HHAT: variants seen among roughly 807,000 people sequenced by gnomAD.
HHAT encodes the protein hedgehog acyltransferase.
A neutral mutation model predicts 70.8 loss-of-function variants in HHAT; 47 were observed. The observed-to-expected ratio is 0.66, with a 90% confidence interval of 0.53 to 0.85. The LOEUF (loss-of-function observed/expected upper bound fraction) is 0.85. HHAT is among the 40% of genes least tolerant of loss of function. The probability of loss-of-function intolerance (pLI) is 0.00; values close to 1 mark genes in which losing one functional copy is unlikely to be tolerated. For missense variants in HHAT, 609 were observed against 604.8 expected (o/e 1.01, Z -0.07); for synonymous variants, 228 against 247.6 (o/e 0.92, Z 0.74).
chr1:210,538,390 T>C (rs973814882), intron 9 of HHAT, among the ~76,000 whole-genome samples: 3 of 152,054 alleles, frequency 2.0e-5, no homozygotes, highest in African/African-American at 7.2e-5. Flanking sequence ...TTATTATAAA[T>C]ATAAAAAACA....
intron 3 of HHAT, among the ~76,000 whole-genome samples, chr1:210,366,287 G>C (rs1380629757): frequency 1.3e-5 from 2 of 152,042 alleles, no homozygotes; most frequent in Non-Finnish European, 2.9e-5. Flanking sequence ...CAGAGTCCCT[G>C]GACTCTACCT....
intron 8 of HHAT, among the ~76,000 whole-genome samples, chr1:210,485,395 T>C (rs535991127): frequency 1.3e-5 from 2 of 152,280 alleles, no homozygotes; most frequent in African/African-American, 4.8e-5. Context: ...CCTTCTTTCT[T>C]GTTCTTCATA....
intron 11 of HHAT, among the ~76,000 whole-genome samples, chr1:210,662,594 C>G (rs75955149): frequency 0.023 from 3,474 of 152,236 alleles, 71 homozygotes; most frequent in South Asian, 0.062. Flanking sequence ...TGGGGTATAG[C>G]AACCACTGCA....
At chr1:210,511,533 A>G (rs2094951239) in intron 8 of HHAT, among the ~76,000 whole-genome samples, 1 of 152,136 alleles carries the variant, frequency 6.6e-6, no homozygotes, top group African/African-American at 2.4e-5. Flanking sequence ...TCCAGGGATG[A>G]GTCAAGGGTG....
At chr1:210,421,529 T>A (rs1414592428) in intron 7 of HHAT, among the ~76,000 whole-genome samples, 1 of 152,148 alleles carries the variant, frequency 6.6e-6, no homozygotes, top group African/African-American at 2.4e-5. Flanking sequence ...CACTGCAACC[T>A]CCACCTCCTG....
rs376816878 is a variant in HHAT at position 210,661,042 on chromosome 1, G to A, written c.1391-13246G>A. Among the ~76,000 whole-genome samples the A allele has an allele frequency of 3.3e-4, 51 of 152,284 alleles. No individual in the cohort carries two copies. In the East Asian group the frequency reaches 7.9e-3, roughly 24 times the overall value. On this transcript the variant is annotated intron_variant, in intron 11 of 11. Transcript: ENST00000261458. ...CATGACTAAAACACCAAAAGCAATG[G>A]CAACAAAAGCCAAAATTGACAAATG...
intron 7 of HHAT, among the ~76,000 whole-genome samples, chr1:210,434,881 A>G (rs905184448): frequency 6.6e-6 from 1 of 151,894 alleles, no homozygotes; most frequent in Non-Finnish European, 1.5e-5. Flanking sequence ...AAACTGATAT[A>G]TGATGTACAT....
chr1:210,382,918 C>G (rs2090755917), intron 3 of HHAT, among the ~76,000 whole-genome samples: 1 of 152,196 alleles, frequency 6.6e-6, no homozygotes, highest in Non-Finnish European at 1.5e-5. Context: ...TGGCTTCAGA[C>G]AGGCCTAGGT....
intron 7 of HHAT, among the ~76,000 whole-genome samples, chr1:210,456,441 C>T (rs554556042): frequency 2.0e-5 from 3 of 152,178 alleles, no homozygotes; most frequent in Non-Finnish European, 4.4e-5. Flanking sequence ...CTGGGACCAC[C>T]CCCTTTTTGA....
chr1:210,609,710 G>C (rs1666211429), intron 10 of HHAT, among the ~76,000 whole-genome samples: 1 of 151,992 alleles, frequency 6.6e-6, no homozygotes, highest in Admixed American at 6.6e-5. Context: ...CCCCACCATG[G>C]GTCCATGTGT....
At chr1:210,334,454 C>G (rs761214289) in intron 1 of HHAT, among the ~76,000 whole-genome samples, 1 of 151,996 alleles carries the variant, frequency 6.6e-6, no homozygotes, top group Non-Finnish European at 1.5e-5. Flanking sequence ...CCACACCCAG[C>G]CTGTTAGTGC....
At position 210,623,623 on chromosome 1, in the gene HHAT, G is replaced by A. The variant is rs757163023; in HGVS notation, c.1343G>A (p.Gly448Glu). ...MLILSNLVFL[G>E]GNEVGKTYWN... is the part of the protein sequence containing the mutation. ...ATCCTGTCCAACCTGGTATTTCTTG[G>A]GGGCAATGAGGTTGGGAAAACCTAC... Residue 448 changes from glycine to glutamate, a missense_variant, in exon 11 of 12, where the codon GGG (glycine) becomes GAG (glutamate). Physicochemically the swap from Gly to Glu is moderately conservative, Grantham distance 98. Coordinates refer to ENST00000261458, the MANE Select transcript of HHAT (RefSeq NM_018194.6). The A allele has an allele frequency of 1.5e-5, 24 of 1,613,828 alleles. No homozygotes were observed. The African/African-American group carries it at 3.1e-4, about 21-fold the overall frequency.
intron 8 of HHAT, among the ~76,000 whole-genome samples, chr1:210,490,845 G>T (rs891727838): frequency 2.0e-5 from 3 of 151,968 alleles, no homozygotes; most frequent in African/African-American, 7.3e-5. Flanking sequence ...CCAAAGTAGA[G>T]ATTTTTACTT....
At chr1:210,553,248 C>A (rs1334966177) in intron 9 of HHAT, among the ~76,000 whole-genome samples, 1 of 152,132 alleles carries the variant, frequency 6.6e-6, no homozygotes, top group Non-Finnish European at 1.5e-5. Flanking sequence ...TGATAGTGGA[C>A]CCCAAGCTGA....
At chr1:210,330,868 G>A (rs2084925366) in intron 1 of HHAT, among the ~76,000 whole-genome samples, 1 of 152,094 alleles carries the variant, frequency 6.6e-6, no homozygotes, top group Non-Finnish European at 1.5e-5. Context: ...ACCCAGGCTG[G>A]AGTGCAGTGG....
chr1:210,396,286 G>A (rs1024455675), intron 4 of HHAT, among the ~76,000 whole-genome samples: 2 of 152,160 alleles, frequency 1.3e-5, no homozygotes, highest in African/African-American at 4.8e-5. Context: ...TTCCGGTGGG[G>A]CTGTCATCCT....
chr1:210,542,495 AAAT>A (rs2095440616), intron 9 of HHAT, among the ~76,000 whole-genome samples: 1 of 140,284 alleles, frequency 7.1e-6, no homozygotes. Flanking sequence ...GTTAAAAAAA[AAAT>A]ATATATATAT....
chr1:210,650,083 A>G (rs908990261), intron 11 of HHAT, among the ~76,000 whole-genome samples: 2 of 152,214 alleles, frequency 1.3e-5, no homozygotes, highest in Non-Finnish European at 2.9e-5. Flanking sequence ...CCTATATGGC[A>G]TGATGCTGAG....
chr1:210,440,715 T>G (rs1007978687), intron 7 of HHAT, among the ~76,000 whole-genome samples: 1 of 151,808 alleles, frequency 6.6e-6, no homozygotes, highest in African/African-American at 2.4e-5. Flanking sequence ...ATGAACAATT[T>G]CAACACTGTG....
Sources: allele counts gnomAD v4.1 joint callset (sites outside exome capture counted in the v4.1 genomes callset), GRCh38; gene constraint gnomAD v4.1.1; transcripts MANE v1.5; gene names NCBI Gene and HGNC (gene_info 2026-07-23, HGNC 2026-07-21).